The following HTR2A variants were observed in gnomAD, a reference collection of about 807,000 sequenced individuals.
HTR2A encodes the protein 5-HT2 receptor.
Under a neutral mutation model 31.0 loss-of-function variants are expected in HTR2A, and 14 were observed. That is an observed-to-expected ratio of 0.45 (90% CI 0.30 to 0.71). The LOEUF (loss-of-function observed/expected upper bound fraction) is 0.71. Ranked by LOEUF, HTR2A falls within the 30% of genes least tolerant of loss-of-function variation. The pLI is 0.09. For synonymous variants in HTR2A, 209 were observed against 225.2 expected (o/e 0.93, Z 0.64); for missense variants, 442 against 573.3 (o/e 0.77, Z 2.34).
In HTR2A at chr13:46,852,417, G is replaced by A. The variant is rs370950387; in HGVS notation, c.614-16778C>T. Among the ~76,000 whole-genome samples the A allele has an allele frequency of 5.3e-5, 8 of 152,336 alleles. No individual in the cohort carries two copies. The South Asian group carries it at 6.2e-4, about 12-fold the overall frequency. On this transcript the variant is annotated intron_variant, in intron 3 of 3. Transcript: ENST00000542664. The stretch of plus-strand genomic sequence containing the variant: ...GGGCTCTCTCGGCTGGGCTGGCCAC[G>A]TCTGCTTACACAGAGTGCTACCCTC...
Position 46,895,709 on chromosome 13 carries a change from G to A in HTR2A, c.198C>T (p.Leu66=). 2 of 1,614,176 alleles carry A rather than the reference G, an allele frequency of 1.2e-6. No homozygotes were observed. ...TTTTTTCCTGGAGATGAAGTAAGGA[G>A]AGACACGACGGTGAGAGGCACCCTT... The part of the protein sequence containing the change: ...SCEGCLSPSC[L]SLLHLQEKNW... The change falls in exon 2 of 4, where the codon CTC becomes CTT. Residue 66 remains leucine, a synonymous_variant. Transcript: ENST00000542664. The surrounding 1 kb of genome is among the most constrained non-coding windows in gnomAD (Gnocchi z 4.4).
At chr13:46,894,833 C>G (rs994522190) in intron 2 of HTR2A, among the ~76,000 whole-genome samples, 1 of 152,218 alleles carries the variant, frequency 6.6e-6, no homozygotes, top group Non-Finnish European at 1.5e-5. Context: ...CCAAACCAGA[C>G]TGGAGGAGTT....
intron 3 of HTR2A, among the ~76,000 whole-genome samples, chr13:46,860,474 A>G (rs1950771003): frequency 6.6e-6 from 1 of 152,208 alleles, no homozygotes; most frequent in Non-Finnish European, 1.5e-5. Flanking sequence ...GGAGGATTGC[A>G]GAACAATCAC....
chr13:46,856,660 C>G (rs1950740495), intron 3 of HTR2A, among the ~76,000 whole-genome samples: 1 of 151,858 alleles, frequency 6.6e-6, no homozygotes, highest in African/African-American at 2.4e-5. Context: ...TACGATGACT[C>G]TTATGTATGT....
At position 46,895,944 on chromosome 13, in the gene HTR2A, G is replaced by A. The variant is rs1363766417; in HGVS notation, c.-38C>T. ...ACTTGTAGCAGATGAGGTGTAGAAG[G>A]ACTAACAGGTTATAGTTTCTGCTCA... is the stretch of plus-strand genomic sequence containing the variant. On this transcript the variant is annotated 5_prime_UTR_variant, in exon 2 of 4. Transcript: ENST00000542664. The surrounding 1 kb of genome is among the most constrained non-coding windows in gnomAD (Gnocchi z 4.4). The A allele has an allele frequency of 6.4e-7, 1 of 1,566,606 alleles. No individual in the cohort carries two copies. The highest frequency in any genetic ancestry group is 8.6e-7 in the Non-Finnish European group (1 of 1,158,618).
At chr13:46,848,112 G>A (rs993574682) in intron 3 of HTR2A, among the ~76,000 whole-genome samples, 1 of 152,162 alleles carries the variant, frequency 6.6e-6, no homozygotes, top group Non-Finnish European at 1.5e-5. Context: ...TGATATGAAA[G>A]CCTCTACTCT....
intron 1 of HTR2A, 29 bp from the exon 2 acceptor site, chr13:46,896,263 A>G (rs1306374551): frequency 9.2e-7 from 1 of 1,090,762 alleles, no homozygotes; most frequent in African/African-American, 1.7e-5. Context: ...TTTTATAACT[A>G]CTGGGACTCT....
intron 3 of HTR2A, among the ~76,000 whole-genome samples, chr13:46,849,672 T>C (rs1370050037): frequency 6.6e-6 from 1 of 152,204 alleles, no homozygotes; most frequent in East Asian, 1.9e-4. Flanking sequence ...GGCTGGCTTC[T>C]TCTTATTTGG....
chr13:46,879,490 G>A (rs1176460357), intron 3 of HTR2A, among the ~76,000 whole-genome samples: 1 of 152,158 alleles, frequency 6.6e-6, no homozygotes, highest in African/African-American at 2.4e-5. Flanking sequence ...AAAATCTTGG[G>A]GAAATTAACA....
In HTR2A at chr13:46,895,182, G is replaced by T; in HGVS notation, c.412+313C>A. The T allele has an allele frequency of 3.7e-6, 1 of 267,042 alleles. No individual in the cohort carries two copies. The highest frequency in any genetic ancestry group is 7.1e-6 in the Non-Finnish European group (1 of 140,002). The allele number at this position is 267,042 out of a possible 1,614,324, so 16.5% of individuals were successfully genotyped here. On this transcript the variant is annotated intron_variant, in intron 2 of 3. Coordinates refer to ENST00000542664, the MANE Select transcript of HTR2A (RefSeq NM_000621.5). The surrounding 1 kb of genome is among the most constrained non-coding windows in gnomAD (Gnocchi z 4.4). ...TAAGTTATTGGTTTATGACTGTATG[G>T]GGTAATTTATAAAAATTTCTACATT... is the stretch of plus-strand genomic sequence containing the variant.
At chr13:46,891,469 A>T (rs1384832940) in intron 3 of HTR2A, among the ~76,000 whole-genome samples, 2 of 152,194 alleles carry the variant, frequency 1.3e-5, no homozygotes, top group African/African-American at 2.4e-5. Flanking sequence ...AATACACAAG[A>T]TATAGTATTA....
intron 3 of HTR2A, among the ~76,000 whole-genome samples, chr13:46,882,057 C>CAT (rs1566317082): frequency 1.6e-4 from 25 of 151,602 alleles, no homozygotes; most frequent in Middle Eastern, 3.4e-3. Context: ...TTTGAGGTTG[C>CAT]TCATAAAAAA....
At position 46,896,767 on chromosome 13, in the gene HTR2A, C is replaced by G; in HGVS notation, c.-422G>C. On this transcript the variant is annotated 5_prime_UTR_variant, in exon 1 of 4. Transcript: ENST00000542664. ...TTAAACTGGTGTAGAGTCCCCTCTT[C>G]TTGATCTTCCACCAGCATAATATGA... 6.5e-7 allele frequency: 1 copy of G among 1,536,282 alleles called. No homozygotes were observed.
intron 3 of HTR2A, among the ~76,000 whole-genome samples, chr13:46,876,031 C>T (rs1775493309): frequency 6.6e-6 from 1 of 152,136 alleles, no homozygotes; most frequent in Admixed American, 6.5e-5. Context: ...ACAAATATCC[C>T]TACAGTGGAA....
At chr13:46,866,357 A>G (rs1222603797) in intron 3 of HTR2A, among the ~76,000 whole-genome samples, 1 of 151,806 alleles carries the variant, frequency 6.6e-6, no homozygotes. Context: ...TTCCTGTCCT[A>G]GGGTCTGTCA....
intron 1 of HTR2A, 26 bp downstream of exon 1, chr13:46,896,648 T>C: frequency 6.7e-7 from 1 of 1,485,272 alleles, no homozygotes; most frequent in South Asian, 1.3e-5. Context: ...TACACAGCAA[T>C]AAAATATAGC....
chr13:46,835,397 G>A lies in HTR2A; in HGVS notation c.856C>T (p.Gln286Ter). Residue 286 changes from glutamine (Q) to a stop codon, truncating the protein, a stop_gained, in exon 4 of 4, where the codon CAG (glutamine) becomes TAG (stop). Coordinates refer to ENST00000542664, the MANE Select transcript of HTR2A (RefSeq NM_000621.5). LOFTEE classifies it high-confidence loss of function. The stretch of plus-strand genomic sequence containing the variant: ...AGCTTTTCTGAAGACAAAGAACTCT[G>A]AGGGAGGAAGCTGAAAGAAGCTAAT... ...AKLASFSFLPQSSLSSEKLFQ... is the reference protein window; with the variant it reads ...AKLASFSFLP The A allele has an allele frequency of 6.2e-7, 1 of 1,614,124 alleles. No homozygotes were observed. Among genetic ancestry groups the A allele is most frequent in the South Asian group, 1.1e-5 (1 of 91,082 alleles).
intron 3 of HTR2A, among the ~76,000 whole-genome samples, chr13:46,882,989 G>C (rs1047069932): frequency 6.6e-6 from 1 of 152,204 alleles, no homozygotes; most frequent in African/African-American, 2.4e-5. Flanking sequence ...AGGTCACACA[G>C]CTTAGAAGGG....
intron 3 of HTR2A, among the ~76,000 whole-genome samples, chr13:46,889,808 CAAGAG>C (rs959783744): frequency 3.9e-5 from 6 of 152,202 alleles, no homozygotes; most frequent in African/African-American, 1.4e-4. Flanking sequence ...GAAGAAAACT[CAAGAG>C]AATATTTGTG....
Sources: allele counts gnomAD v4.1 joint callset (sites outside exome capture counted in the v4.1 genomes callset), GRCh38; gene constraint gnomAD v4.1.1; non-coding constraint Gnocchi (gnomAD v3.1); transcripts MANE v1.5; gene names NCBI Gene and HGNC (gene_info 2026-07-23, HGNC 2026-07-21).